The following PCNX1 variants were observed in gnomAD, a reference collection of about 807,000 sequenced individuals.
The protein encoded by PCNX1 is pecanex-like protein 1.
In PCNX1, 78 loss-of-function variants were observed where a neutral mutation model predicts 242.2. The observed-to-expected ratio is 0.32, with a 90% CI of 0.27 to 0.39. The LOEUF (loss-of-function observed/expected upper bound fraction) is 0.39, where lower values mean the gene tolerates loss of function less well. Among genes scored for constraint, PCNX1 ranks in the 10% least tolerant of loss-of-function variants. The pLI, the probability that PCNX1 is intolerant of heterozygous loss-of-function variation, is 1.00. For synonymous variants in PCNX1, 1,024 were observed against 1,032.9 expected, an observed-to-expected ratio of 0.99 and a Z score of 0.17; for missense variants, 2,581 against 2,856.5, an observed-to-expected ratio of 0.90 and a Z score of 2.20.
At chr14:71,039,845 G>C (rs2060654749) in intron 19 of PCNX1, among the ~76,000 whole-genome samples, 1 of 152,180 alleles carries the variant, frequency 6.6e-6, no homozygotes, top group African/African-American at 2.4e-5. Context: ...TGTTCCTTAA[G>C]TACAGCTCAT....
At chr14:71,067,565 T>C (rs558736832) in intron 26 of PCNX1, among the ~76,000 whole-genome samples, 25 of 152,292 alleles carry the variant, frequency 1.6e-4, no homozygotes, top group Middle Eastern at 3.4e-3. Context: ...GCTCCTAGCT[T>C]CATTGATTTT....
At chr14:71,051,841 T>G in intron 23 of PCNX1, 42 bp from the exon 24 acceptor site, 1 of 1,596,524 alleles carries the variant, frequency 6.3e-7, no homozygotes, top group Non-Finnish European at 8.5e-7. Flanking sequence ...TTGGCATCTG[T>G]GCTCAGATGA....
At chr14:71,090,043 A>G (rs996614791) in intron 30 of PCNX1, among the ~76,000 whole-genome samples, 1 of 152,312 alleles carries the variant, frequency 6.6e-6, no homozygotes, top group East Asian at 1.9e-4. Flanking sequence ...ATTCCTGCCT[A>G]TTCCCTGTAT....
At chr14:71,091,212 G>C (rs2062120953) in intron 30 of PCNX1, among the ~76,000 whole-genome samples, 1 of 152,128 alleles carries the variant, frequency 6.6e-6, no homozygotes, top group South Asian at 2.1e-4. Flanking sequence ...GCCATATATT[G>C]ATCGTCACTT....
At chr14:71,091,823 T>C (rs1009502498) in intron 30 of PCNX1, among the ~76,000 whole-genome samples, 2 of 152,244 alleles carry the variant, frequency 1.3e-5, no homozygotes, top group African/African-American at 4.8e-5. Flanking sequence ...TACAGTAATT[T>C]CGTAGTCACC....
intron 1 of PCNX1, among the ~76,000 whole-genome samples, chr14:70,927,155 A>G (rs2056623696): frequency 1.3e-5 from 2 of 152,234 alleles, no homozygotes; most frequent in African/African-American, 4.8e-5. Flanking sequence ...TAAGAAGCTC[A>G]AAGAGAGAAA....
At chr14:71,013,567 TAACACTAC>T (rs2059880579) in intron 11 of PCNX1, among the ~76,000 whole-genome samples, 3 of 151,794 alleles carry the variant, frequency 2.0e-5, no homozygotes, top group Admixed American at 6.6e-5. Context: ...CCCTGGTTCT[TAACACTAC>T]TCTCTTAATG....
intron 1 of PCNX1, among the ~76,000 whole-genome samples, chr14:70,944,901 C>T (rs979560196): frequency 6.6e-6 from 1 of 152,214 alleles, no homozygotes; most frequent in Admixed American, 6.5e-5. Flanking sequence ...TGAAGCGGTG[C>T]CTTCTGCCAT....
rs542868826 is a variant in PCNX1, at chr14:70,979,629, T to A, written c.2311+981T>A. Reference sequence around the variant, plus strand: ...AGTTATAGTCTGTTTGATACAGTAATGTTCAGTCATTTATTAAAAGTTAAG... The same window carrying A: ...AGTTATAGTCTGTTTGATACAGTAAAGTTCAGTCATTTATTAAAAGTTAAG... On this transcript the variant is annotated intron_variant, in intron 6 of 35. Coordinates refer to ENST00000304743, the MANE Select transcript of PCNX1 (RefSeq NM_014982.3). Among the ~76,000 whole-genome samples the A allele has an allele frequency of 2.6e-5, 4 of 152,294 alleles. No homozygotes were observed. The East Asian group carries it at 7.7e-4, about 29-fold the overall frequency.
At chr14:71,029,903 G>A (rs1471321011) in intron 16 of PCNX1, among the ~76,000 whole-genome samples, 2 of 152,190 alleles carry the variant, frequency 1.3e-5, no homozygotes, top group Non-Finnish European at 2.9e-5. Context: ...CTATATCACA[G>A]TTTACCTGCT....
intron 8 of PCNX1, among the ~76,000 whole-genome samples, chr14:70,999,392 A>C (rs1198682068): frequency 6.6e-6 from 1 of 152,176 alleles, no homozygotes; most frequent in Non-Finnish European, 1.5e-5. Context: ...TTGAAAGTGT[A>C]TATGAAGCTA....
intron 1 of PCNX1, among the ~76,000 whole-genome samples, chr14:70,925,075 A>G (rs542301878): frequency 1.4e-4 from 21 of 151,412 alleles, no homozygotes; most frequent in African/African-American, 4.4e-4. Context: ...TGCAACCTCC[A>G]CCTCCTGGCT....
intron 2 of PCNX1, among the ~76,000 whole-genome samples, chr14:70,960,998 G>T (rs1352699003): frequency 2.6e-5 from 4 of 152,196 alleles, no homozygotes; most frequent in Admixed American, 2.6e-4. Context: ...ACAAACCACT[G>T]CTCAATGAAA....
At chr14:71,009,456 A>G (rs561265217) in intron 8 of PCNX1, among the ~76,000 whole-genome samples, 178 bp from the exon 9 acceptor site, 11 of 152,282 alleles carry the variant, frequency 7.2e-5, no homozygotes, top group East Asian at 3.9e-4. Context: ...CTACTGTCCA[A>G]CGTTCCTTTT....
At chr14:70,908,220 G>C (rs1462386840) in intron 1 of PCNX1, among the ~76,000 whole-genome samples, 1 of 152,142 alleles carries the variant, frequency 6.6e-6, no homozygotes, top group African/African-American at 2.4e-5. Flanking sequence ...GGCAACCCGC[G>C]CCGGCCGCCC....
chr14:70,990,995 A>G (rs1214408662), intron 7 of PCNX1, among the ~76,000 whole-genome samples: 1 of 151,818 alleles, frequency 6.6e-6, no homozygotes, highest in Non-Finnish European at 1.5e-5. Context: ...TTCAGTTTTT[A>G]AAAATTATTT....
intron 2 of PCNX1, among the ~76,000 whole-genome samples, chr14:70,951,978 G>A (rs1042423160): frequency 6.6e-6 from 1 of 152,040 alleles, no homozygotes; most frequent in African/African-American, 2.4e-5. Context: ...CGTACATTGT[G>A]GATAAGTGGA....
At chr14:71,096,388 T>C (rs1305693171) in intron 30 of PCNX1, among the ~76,000 whole-genome samples, 1 of 152,100 alleles carries the variant, frequency 6.6e-6, no homozygotes, top group Non-Finnish European at 1.5e-5. Flanking sequence ...AGAGGATTGC[T>C]TGAGCAAAGG....
chr14:71,009,612 A>T, intron 8 of PCNX1, 22 bp from the exon 9 acceptor site: 5 of 1,403,256 alleles, frequency 3.6e-6, no homozygotes, highest in Non-Finnish European at 4.9e-6. Context: ...ATGGCTTTTT[A>T]AAATAATCAT....
Sources: gnomAD v4.1 joint callset for allele counts (sites outside exome capture counted in the v4.1 genomes callset) on GRCh38, gnomAD v4.1.1 for gene constraint, MANE v1.5 for transcripts, NCBI Gene and HGNC (gene_info 2026-07-23, HGNC 2026-07-21) for gene names.